The following RIMS2 variants were observed in gnomAD, a reference collection of about 807,000 sequenced individuals.
RIMS2 encodes the protein regulating synaptic membrane exocytosis protein 2.
RIMS2 carries 59 observed loss-of-function variants against 174.4 expected under a neutral mutation model. The observed-to-expected ratio is 0.34, with a 90% CI of 0.27 to 0.42. RIMS2 has a LOEUF of 0.42. Ranked by LOEUF, RIMS2 falls within the 10% of genes least tolerant of loss-of-function variation. The pLI, the probability that RIMS2 is intolerant of heterozygous loss-of-function variation, is 1.00. For synonymous variants in RIMS2, 606 were observed against 572.5 expected, an observed-to-expected ratio of 1.06 and a Z score of -0.84; for missense variants, 1,620 against 1,666.3, an observed-to-expected ratio of 0.97 and a Z score of 0.48.
At chr8:104,253,112 A>C (rs2099362876), downstream of RIMS2, 1 of 152,230 alleles carries the variant, frequency 6.6e-6, no homozygotes, top group Non-Finnish European at 1.5e-5. Context: ...GAACTTTTGC[A>C]GTTTATTGTA....
intron 16 of RIMS2, among the ~76,000 whole-genome samples, chr8:103,986,630 C>T (rs2154549914): frequency 6.6e-6 from 1 of 151,976 alleles, no homozygotes; most frequent in Non-Finnish European, 1.5e-5. Flanking sequence ...TTAAAATTGA[C>T]ACAAGAAGAA....
chr8:103,549,440 AG>A (rs1221357699), intron 1 of RIMS2, among the ~76,000 whole-genome samples: 2 of 152,214 alleles, frequency 1.3e-5, no homozygotes, highest in Admixed American at 1.3e-4. Context: ...TGTCAACACC[AG>A]GCCTACCTTA....
At chr8:104,064,203 T>G (rs1190877102) in intron 19 of RIMS2, among the ~76,000 whole-genome samples, 1 of 152,190 alleles carries the variant, frequency 6.6e-6, no homozygotes, top group Non-Finnish European at 1.5e-5. Flanking sequence ...TAATTTTTTA[T>G]TTAAGAAGAA....
intron 3 of RIMS2, chr8:103,880,272 G>A (rs146586432): frequency 2.9e-4 from 49 of 166,510 alleles, no homozygotes; most frequent in African/African-American, 1.1e-3. Flanking sequence ...AGTTTTAAGC[G>A]TAGTGCCCAG....
In RIMS2 at chr8:103,607,330, C is replaced by T. The variant is rs1414160382; in HGVS notation, c.177-89756C>T. 2.6e-5 allele frequency among the ~76,000 whole-genome samples: 4 copies of T among 151,896 alleles called. No individual in the cohort carries two copies. The East Asian group carries it at 7.8e-4, about 29-fold the overall frequency. On this transcript the variant is annotated intron_variant, in intron 1 of 23. Transcript: ENST00000504942. ...TCTTTAAGAATGTTGAATATTGGCCCCCACTCTCTTCTGGCTTGTAGGGTT... is the reference window on the plus strand; with the variant it reads ...TCTTTAAGAATGTTGAATATTGGCCTCCACTCTCTTCTGGCTTGTAGGGTT...
At chr8:104,072,972 A>G (rs1270364807) in intron 19 of RIMS2, among the ~76,000 whole-genome samples, 2 of 152,176 alleles carry the variant, frequency 1.3e-5, no homozygotes, top group Non-Finnish European at 2.9e-5. Context: ...ATTATACTCA[A>G]TGTACTCTTG....
chr8:103,781,436 A>C (rs1179918574), intron 3 of RIMS2, among the ~76,000 whole-genome samples: 2 of 152,184 alleles, frequency 1.3e-5, no homozygotes, highest in Non-Finnish European at 2.9e-5. Context: ...TTGGAACTGG[A>C]ACAAAAGTAT....
intron 2 of RIMS2, among the ~76,000 whole-genome samples, chr8:103,734,263 G>T (rs1383143310): frequency 6.7e-6 from 1 of 149,994 alleles, no homozygotes; most frequent in Non-Finnish European, 1.5e-5. Context: ...TACCCACCTC[G>T]GCCTCCCAAA....
At chr8:103,676,155 T>C (rs2096807359) in intron 1 of RIMS2, among the ~76,000 whole-genome samples, 1 of 152,090 alleles carries the variant, frequency 6.6e-6, no homozygotes, top group African/African-American at 2.4e-5. Context: ...ATGGTAAGAG[T>C]TCCTAGTGAC....
At chr8:103,909,528 G>T (rs2075224054) in intron 4 of RIMS2, among the ~76,000 whole-genome samples, 1 of 152,066 alleles carries the variant, frequency 6.6e-6, no homozygotes, top group Middle Eastern at 3.2e-3. Context: ...TTTACTAATA[G>T]ATATTGAATG....
intron 1 of RIMS2, among the ~76,000 whole-genome samples, chr8:103,513,690 A>T (rs1213071200): frequency 6.6e-6 from 1 of 152,180 alleles, no homozygotes; most frequent in Non-Finnish European, 1.5e-5. Flanking sequence ...TGGTATCTTT[A>T]TCATAGGAGT....
intron 3 of RIMS2, among the ~76,000 whole-genome samples, chr8:103,863,346 G>A (rs2099068415): frequency 6.6e-6 from 1 of 151,770 alleles, no homozygotes; most frequent in South Asian, 2.1e-4. Flanking sequence ...ATTTTTTTTG[G>A]TTTGCTAGTA....
chr8:103,846,552 G>C (rs1057156400), intron 3 of RIMS2, among the ~76,000 whole-genome samples: 31 of 152,048 alleles, frequency 2.0e-4, no homozygotes, highest in Admixed American at 2.0e-3. Context: ...TTTCTTTGGA[G>C]AACAGGGATA....
At chr8:104,234,419 TAA>T (rs34932905) in intron 19 of RIMS2, among the ~76,000 whole-genome samples, 3 of 144,030 alleles carry the variant, frequency 2.1e-5, no homozygotes, top group African/African-American at 2.5e-5. Flanking sequence ...TCTGAAAGTT[TAA>T]AAAAAAAAAA....
chr8:103,971,933 C>T lies in RIMS2; in HGVS notation c.2771-3417C>T, dbSNP rs143530056. Among the ~76,000 whole-genome samples, 670 of 152,132 alleles carry T rather than the reference C, an allele frequency of 4.4e-3. 9 individuals are homozygous for T. Among genetic ancestry groups the T allele is most frequent in the African/African-American group, 0.014 (575 of 41,512 alleles). ...AAGTTAAGGTGCATTAATTTTTGCT[C>T]TTTTTTTGCTTTTTCATCTAGTCAC... On this transcript the variant is annotated intron_variant, in intron 15 of 23. Coordinates refer to ENST00000504942, the Ensembl canonical transcript of RIMS2.
chr8:103,940,503 T>C (rs1453621158), intron 13 of RIMS2, among the ~76,000 whole-genome samples: 1 of 152,130 alleles, frequency 6.6e-6, no homozygotes, highest in East Asian at 1.9e-4. Flanking sequence ...TATCAGTTTT[T>C]TTTTTCTGAG....
At chr8:103,554,041 A>G (rs1849297620) in intron 1 of RIMS2, among the ~76,000 whole-genome samples, 2 of 152,320 alleles carry the variant, frequency 1.3e-5, no homozygotes, top group South Asian at 4.1e-4. Flanking sequence ...CCTTATACAA[A>G]TAGCAACTCA....
intron 3 of RIMS2, among the ~76,000 whole-genome samples, chr8:103,872,096 G>A (rs2099115129): frequency 6.6e-6 from 1 of 152,150 alleles, no homozygotes; most frequent in Non-Finnish European, 1.5e-5. Context: ...CTGATTTACT[G>A]CATTAGCCTG....
chr8:103,905,671 T>A (rs2074227437), intron 4 of RIMS2, among the ~76,000 whole-genome samples: 1 of 151,928 alleles, frequency 6.6e-6, no homozygotes, highest in Non-Finnish European at 1.5e-5. Flanking sequence ...ACTTTTTTTT[T>A]TTTTAGCCCA....
Sources: gnomAD v4.1 joint callset for allele counts (sites outside exome capture counted in the v4.1 genomes callset) on GRCh38, gnomAD v4.1.1 for gene constraint, MANE v1.5 for transcripts, NCBI Gene and HGNC (gene_info 2026-07-23, HGNC 2026-07-21) for gene names.